The following HSPA12A variants were observed in gnomAD, a reference collection of about 807,000 sequenced individuals.
HSPA12A encodes heat shock protein family A (Hsp70) member 12A.
A neutral mutation model predicts 69.2 loss-of-function variants in HSPA12A; 28 were observed. The ratio of observed to expected loss-of-function variants is 0.40; its 90% confidence interval spans 0.30 to 0.55. The LOEUF (loss-of-function observed/expected upper bound fraction) is 0.55. HSPA12A is among the 20% of genes least tolerant of loss of function. HSPA12A has a pLI of 0.38. For missense variants in HSPA12A, 686 were observed against 900.7 expected (o/e 0.76, Z 3.05); for synonymous variants, 345 against 370.5 (o/e 0.93, Z 0.79).
intron 1 of HSPA12A, among the ~76,000 whole-genome samples, chr10:116,713,484 T>C (rs1255773268): frequency 6.6e-6 from 1 of 152,130 alleles, no homozygotes; most frequent in Non-Finnish European, 1.5e-5. Flanking sequence ...CAGGCCAAGT[T>C]GGGGGCAGCA....
In HSPA12A at chr10:116,692,475, C is replaced by A; in HGVS notation, c.547-8G>T. The stretch of plus-strand genomic sequence containing the variant: ...CGCCTGGTCACTCAGCTCCTGAAGC[C>A]AAGGGAAAGAAATGCAACAGGTCAA... On this transcript the variant is annotated splice_region_variant and splice_polypyrimidine_tract_variant and intron_variant, in intron 5 of 11. Transcript: ENST00000369209. The A allele has an allele frequency of 6.2e-7, 1 of 1,609,650 alleles. No homozygotes were observed. Among genetic ancestry groups the A allele is most frequent in the African/African-American group, 1.3e-5 (1 of 74,974 alleles).
At chr10:116,737,851 G>A (rs1240876585) in intron 1 of HSPA12A, among the ~76,000 whole-genome samples, 2 of 152,288 alleles carry the variant, frequency 1.3e-5, no homozygotes, top group East Asian at 1.9e-4. Context: ...TGACAGGAAC[G>A]CAGCAAGGAT....
intron 2 of HSPA12A, 59 bp downstream of exon 2, chr10:116,707,141 G>A (rs1279551396): frequency 1.6e-5 from 21 of 1,329,866 alleles, no homozygotes; most frequent in South Asian, 1.5e-4. Flanking sequence ...GTGCTCATGC[G>A]CACCCATGCG....
At chr10:116,838,054 TA>T (rs966214508) in intron 1 of HSPA12A, among the ~76,000 whole-genome samples, 55 of 150,882 alleles carry the variant, frequency 3.6e-4, no homozygotes, top group African/African-American at 9.7e-4. Flanking sequence ...CTGAGTCCCT[TA>T]AAAAAAAACA....
At chr10:116,833,671 C>T (rs1169703978) in intron 2 of HSPA12A, among the ~76,000 whole-genome samples, 1 of 152,206 alleles carries the variant, frequency 6.6e-6, no homozygotes, top group East Asian at 1.9e-4. Flanking sequence ...CTGAGTATTA[C>T]AGAATTTGTT....
chr10:116,759,064 C>T (rs933427955), intron 2 of HSPA12A, among the ~76,000 whole-genome samples: 1 of 152,218 alleles, frequency 6.6e-6, no homozygotes, highest in African/African-American at 2.4e-5. Context: ...CACATTCCCT[C>T]GTCTCAGAGA....
At chr10:116,778,152 G>C (rs1469147076) in intron 2 of HSPA12A, among the ~76,000 whole-genome samples, 1 of 152,168 alleles carries the variant, frequency 6.6e-6, no homozygotes, top group Non-Finnish European at 1.5e-5. Context: ...CAGCAGCTTG[G>C]GAAAGGGGAG....
chr10:116,684,062 G>T, intron 6 of HSPA12A, 100 bp from the exon 7 acceptor site: 1 of 982,434 alleles, frequency 1.0e-6, no homozygotes, highest in Non-Finnish European at 1.4e-6. Flanking sequence ...GGGCGCACTC[G>T]TGCTCTGCAT....
intron 2 of HSPA12A, among the ~76,000 whole-genome samples, chr10:116,810,974 CA>C (rs758866149): frequency 9.9e-5 from 15 of 152,074 alleles, no homozygotes; most frequent in Non-Finnish European, 1.8e-4. Context: ...AACCAAAAAA[CA>C]ACAAAACAAA....
intron 1 of HSPA12A, among the ~76,000 whole-genome samples, chr10:116,841,965 T>C (rs189532125): frequency 2.0e-5 from 3 of 152,282 alleles, no homozygotes; most frequent in Admixed American, 1.3e-4. Context: ...ACAACTTAAT[T>C]TTTTAAATTC....
chr10:116,720,380 G>A (rs540416350), intron 1 of HSPA12A, among the ~76,000 whole-genome samples: 84 of 152,344 alleles, frequency 5.5e-4, no homozygotes, highest in Non-Finnish European at 9.0e-4. Flanking sequence ...TGGGGCAAGA[G>A]CTGGCACTGG....
intron 2 of HSPA12A, among the ~76,000 whole-genome samples, chr10:116,752,141 G>A (rs543732886): frequency 2.0e-5 from 3 of 152,158 alleles, no homozygotes; most frequent in African/African-American, 4.8e-5. Context: ...GGGGACGTTG[G>A]GGGTGGTGAG....
intron 2 of HSPA12A, chr10:116,750,214 G>A: frequency 1.4e-6 from 1 of 726,394 alleles, no homozygotes; most frequent in Admixed American, 1.8e-5. Flanking sequence ...GCCTGCTGCT[G>A]GCCTGCAGGC....
At chr10:116,699,456 C>T (rs1850016077) in intron 4 of HSPA12A, among the ~76,000 whole-genome samples, 1 of 151,612 alleles carries the variant, frequency 6.6e-6, no homozygotes, top group Admixed American at 6.6e-5. Context: ...GGAGGAAGCC[C>T]CCAGGTCTCC....
At position 116,674,904 on chromosome 10, in the gene HSPA12A, C is replaced by T. The variant is rs201537782; in HGVS notation, c.1905G>A (p.Ala635=). 8.9e-5 allele frequency: 144 copies of T among 1,614,106 alleles called. No homozygotes were observed. The highest frequency in any genetic ancestry group is 7.1e-4 in the African/African-American group (53 of 75,034). Residue 635 remains alanine (A), a synonymous_variant, in exon 12 of 12, where the codon GCG becomes GCA. Coordinates refer to ENST00000369209, the MANE Select transcript of HSPA12A (RefSeq NM_025015.3). ...RLDLTGTSGT[A]VPARREIQTL... ...TCTGGATCTCCCTCCGGGCGGGCAC[C>T]GCAGTGCCACTGGTCCCTGTGAGAT...
chr10:116,785,297 C>T lies in HSPA12A; in HGVS notation c.91+49638G>A, dbSNP rs528340006. Among the ~76,000 whole-genome samples the T allele has an allele frequency of 1.2e-4, 18 of 151,922 alleles. No homozygotes were observed. In the South Asian group the frequency reaches 1.3e-3, roughly 11 times the overall value. On this transcript the variant is annotated intron_variant, in intron 2 of 12. Transcript: ENST00000635765. ...CACAGGCAAGGACTGATGTCTTGTT[C>T]GGGAACGTTCTGGCCACCACAGCCT...
At chr10:116,828,307 C>T (rs2133206129) in intron 2 of HSPA12A, among the ~76,000 whole-genome samples, 1 of 152,334 alleles carries the variant, frequency 6.6e-6, no homozygotes, top group East Asian at 1.9e-4. Flanking sequence ...TCTCAAAAAG[C>T]TTTACTGCAT....
At chr10:116,711,641 GA>G (rs1365272855) in intron 1 of HSPA12A, among the ~76,000 whole-genome samples, 1 of 150,096 alleles carries the variant, frequency 6.7e-6, no homozygotes, top group African/African-American at 2.5e-5. Context: ...AGGAATCAGA[GA>G]AACACTGACT....
At chr10:116,700,284 TA>T (rs1209228739) in intron 4 of HSPA12A, among the ~76,000 whole-genome samples, 1 of 152,222 alleles carries the variant, frequency 6.6e-6, no homozygotes, top group Non-Finnish European at 1.5e-5. Flanking sequence ...ATAAAATGCT[TA>T]ACTCAAAAAA....
Sources: gnomAD v4.1 joint callset for allele counts (sites outside exome capture counted in the v4.1 genomes callset) on GRCh38, gnomAD v4.1.1 for gene constraint, MANE v1.5 for transcripts, NCBI Gene and HGNC (gene_info 2026-07-23, HGNC 2026-07-21) for gene names.